Variants in RIMS2 observed in about 807,000 individuals in gnomAD.
RIMS2 encodes the protein regulating synaptic membrane exocytosis protein 2.
RIMS2 carries 59 observed loss-of-function variants against 174.4 expected under a neutral mutation model. The ratio of observed to expected loss-of-function variants is 0.34; its 90% CI spans 0.27 to 0.42. The LOEUF (loss-of-function observed/expected upper bound fraction) is 0.42. Ranked by LOEUF, RIMS2 falls within the 10% of genes least tolerant of loss-of-function variation. RIMS2 has a pLI of 1.00. For synonymous variants in RIMS2, 606 were observed against 572.5 expected, an observed-to-expected ratio of 1.06 and a Z score of -0.84; for missense variants, 1,620 against 1,666.3, an observed-to-expected ratio of 0.97 and a Z score of 0.48.
intron 2 of RIMS2, among the ~76,000 whole-genome samples, chr8:103,739,080 G>A (rs912622103): frequency 2.0e-5 from 3 of 152,220 alleles, no homozygotes. Flanking sequence ...ACATGCACAC[G>A]TATGTTTATT....
chr8:103,699,055 C>T, intron 2 of RIMS2, among the ~76,000 whole-genome samples: 1 of 152,148 alleles, frequency 6.6e-6, no homozygotes, highest in Non-Finnish European at 1.5e-5. Flanking sequence ...GGTTATCTTT[C>T]TTGAATAAGG....
chr8:103,899,901 G>T (rs970006038), intron 4 of RIMS2, among the ~76,000 whole-genome samples: 1 of 151,722 alleles, frequency 6.6e-6, no homozygotes, highest in Admixed American at 6.5e-5. Context: ...TTTGTATAAG[G>T]TGTAAGGAAG....
chr8:104,115,299 C>T (rs2098262205), intron 19 of RIMS2, among the ~76,000 whole-genome samples: 1 of 151,960 alleles, frequency 6.6e-6, no homozygotes, highest in South Asian at 2.1e-4. Context: ...GATGTCTTTA[C>T]TGAATCATTA....
intron 2 of RIMS2, among the ~76,000 whole-genome samples, chr8:103,737,168 CTTTGTTCTTTTTTTTTTTT>C (rs1564454430): frequency 8.8e-6 from 1 of 113,884 alleles, no homozygotes; most frequent in Admixed American, 8.8e-5. Flanking sequence ...TTTTCTTTTT[CTTTGTTCTTTTTTTTTTTT>C]TTTTTTTTTT....
At chr8:103,640,956 T>A (rs565109878) in intron 1 of RIMS2, among the ~76,000 whole-genome samples, 6 of 152,252 alleles carry the variant, frequency 3.9e-5, no homozygotes, top group African/African-American at 1.4e-4. Context: ...GTAAAGAGCA[T>A]CTGTAACAGT....
intron 1 of RIMS2, among the ~76,000 whole-genome samples, chr8:103,682,335 A>G (rs776371324): frequency 6.6e-6 from 1 of 152,154 alleles, no homozygotes; most frequent in Admixed American, 6.6e-5. Flanking sequence ...CGAAGGAGAA[A>G]GAAAATGAAA....
At chr8:103,671,031 G>A (rs7816195) in intron 1 of RIMS2, among the ~76,000 whole-genome samples, 1,771 of 152,264 alleles carry the variant, frequency 0.012, 42 homozygotes, top group African/African-American at 0.04. Context: ...TGGACTCATG[G>A]TTCCACGTGC....
At chr8:103,696,735 T>A (rs2097105411) in intron 1 of RIMS2, among the ~76,000 whole-genome samples, 1 of 151,780 alleles carries the variant, frequency 6.6e-6, no homozygotes, top group South Asian at 2.1e-4. Context: ...TGGTGGTGTG[T>A]GCCTGTAGTC....
At chr8:103,738,770 A>G (rs1470938629) in intron 2 of RIMS2, among the ~76,000 whole-genome samples, 2 of 152,206 alleles carry the variant, frequency 1.3e-5, no homozygotes, top group Admixed American at 1.3e-4. Context: ...CAACAGACAC[A>G]TGAAAAAATG....
intron 2 of RIMS2, among the ~76,000 whole-genome samples, chr8:103,706,268 T>C (rs1257325373): frequency 6.6e-6 from 1 of 152,170 alleles, no homozygotes; most frequent in Admixed American, 6.5e-5. Flanking sequence ...TATGCCTTTC[T>C]TTCAACAGAT....
intron 1 of RIMS2, among the ~76,000 whole-genome samples, chr8:103,533,538 A>G (rs1287821234): frequency 1.3e-5 from 2 of 151,782 alleles, no homozygotes; most frequent in Admixed American, 1.3e-4. Context: ...AAGATGTGTT[A>G]AAAACTGATA....
chr8:103,655,661 T>C lies in RIMS2; in HGVS notation c.177-41425T>C, dbSNP rs117934616. Reference sequence around the variant, plus strand: ...AATCCTCTTTGGCTGTGAGGTCTTTTAATAGAAACAAAATGTTAAAGGGAA... The same window carrying C: ...AATCCTCTTTGGCTGTGAGGTCTTTCAATAGAAACAAAATGTTAAAGGGAA... On this transcript the variant is annotated intron_variant, in intron 1 of 23. Transcript: ENST00000504942. Among the ~76,000 whole-genome samples, 36 of 152,196 alleles carry C rather than the reference T, an allele frequency of 2.4e-4. 2 individuals are homozygous for C. The East Asian group carries it at 6.9e-3, about 29-fold the overall frequency.
rs375789747 is a variant in RIMS2 at position 103,880,098 on chromosome 8, A to G, written c.699-5200A>G. Among the ~76,000 whole-genome samples the G allele has an allele frequency of 2.7e-4, 41 of 151,784 alleles. No homozygotes were observed. The East Asian group carries it at 3.1e-3, about 12-fold the overall frequency. On this transcript the variant is annotated intron_variant, in intron 3 of 23. Transcript: ENST00000504942. ...TTTACTGAAGATTAAGAAACTTGTT[A>G]GTGAATAATTGAAAAGAAGTTACAG...
intron 17 of RIMS2, among the ~76,000 whole-genome samples, chr8:104,007,032 C>G (rs573467151): frequency 6.6e-6 from 1 of 152,156 alleles, no homozygotes; most frequent in Non-Finnish European, 1.5e-5. Context: ...AGTTCAAGTT[C>G]CAGCCCAGAA....
At chr8:104,096,287 C>A (rs540835532) in intron 19 of RIMS2, among the ~76,000 whole-genome samples, 1 of 152,282 alleles carries the variant, frequency 6.6e-6, no homozygotes, top group African/African-American at 2.4e-5. Flanking sequence ...CCAGATCCCA[C>A]GCTGCCATAC....
intron 19 of RIMS2, among the ~76,000 whole-genome samples, chr8:104,200,846 C>G (rs994176911): frequency 1.3e-5 from 2 of 152,060 alleles, no homozygotes; most frequent in African/African-American, 2.4e-5. Context: ...CCCAGGAGGT[C>G]GAGGCTGCAG....
At chr8:104,021,777 A>G (rs2096098677) in intron 19 of RIMS2, among the ~76,000 whole-genome samples, 1 of 152,218 alleles carries the variant, frequency 6.6e-6, no homozygotes, top group South Asian at 2.1e-4. Flanking sequence ...CGCACAGACA[A>G]AACCAGTTCA....
intron 1 of RIMS2, among the ~76,000 whole-genome samples, chr8:103,579,712 G>A (rs546811053): frequency 6.6e-6 from 1 of 152,222 alleles, no homozygotes; most frequent in African/African-American, 2.4e-5. Context: ...AATACCAGAA[G>A]CGTTGCTTAA....
chr8:104,190,935 G>GTTTTTTTTTT, intron 19 of RIMS2, among the ~76,000 whole-genome samples: 1 of 144,518 alleles, frequency 6.9e-6, no homozygotes. Context: ...CTCTTTTTTT[G>GTTTTTTTTTT]TTTTTTTTTT....
Sources: gnomAD v4.1 joint callset for allele counts (sites outside exome capture counted in the v4.1 genomes callset) on GRCh38, gnomAD v4.1.1 for gene constraint, MANE v1.5 for transcripts, NCBI Gene and HGNC (gene_info 2026-07-23, HGNC 2026-07-21) for gene names.